The following GPLD1 variants were observed in gnomAD, a reference collection of about 807,000 sequenced individuals.
The protein encoded by GPLD1 is phosphatidylinositol-glycan-specific phospholipase D.
A neutral mutation model predicts 112.6 loss-of-function variants in GPLD1; 84 were observed. That is an observed-to-expected ratio of 0.75 (90% CI 0.63 to 0.89). The LOEUF is 0.89. Ranked by LOEUF, GPLD1 falls within the 40% of genes least tolerant of loss-of-function variation. The pLI is 0.00. For missense variants in GPLD1, 1,044 were observed against 1,051.5 expected, an observed-to-expected ratio of 0.99 and a Z score of 0.10; for synonymous variants, 386 against 403.8, an observed-to-expected ratio of 0.96 and a Z score of 0.53.
rs1434917290 is a variant in GPLD1, at chr6:24,429,127, G to C, written c.2437-9C>G. The C allele has an allele frequency of 6.3e-7, 1 of 1,589,974 alleles. No individual in the cohort carries two copies. Among genetic ancestry groups the C allele is most frequent in the Non-Finnish European group, 8.6e-7 (1 of 1,158,438 alleles). ...GCAATGACGACTTGGTTCTGTAAGG[G>C]ACACAAGACAGAATTCATGGCTCAT... On this transcript the variant is annotated splice_polypyrimidine_tract_variant and intron_variant, in intron 24 of 24. Coordinates refer to ENST00000230036, the MANE Select transcript of GPLD1 (RefSeq NM_001503.4).
chr6:24,445,507 T>C (rs1195053122), intron 20 of GPLD1, 39 bp downstream of exon 20: 2 of 1,354,832 alleles, frequency 1.5e-6, no homozygotes, highest in East Asian at 2.3e-5. Flanking sequence ...AGCAGCCACA[T>C]GACTGAAAGG....
At chr6:24,433,770 C>A (rs1762484035) in intron 22 of GPLD1, among the ~76,000 whole-genome samples, 1 of 152,118 alleles carries the variant, frequency 6.6e-6, no homozygotes, top group Admixed American at 6.6e-5. Flanking sequence ...GCTGGGATTA[C>A]AGGCATGAGC....
chr6:24,446,478 A>C (rs1298604365), intron 18 of GPLD1, among the ~76,000 whole-genome samples: 1 of 152,082 alleles, frequency 6.6e-6, no homozygotes, highest in Non-Finnish European at 1.5e-5. Context: ...CAACAGAGTG[A>C]ACCCTCACCC....
At chr6:24,485,329 G>A (rs546078748) in intron 2 of GPLD1, among the ~76,000 whole-genome samples, 2 of 152,240 alleles carry the variant, frequency 1.3e-5, no homozygotes, top group South Asian at 4.1e-4. Context: ...CTTGAGCCCA[G>A]GAGTTCAAGA....
At chr6:24,465,214 G>GAA (rs1763565374) in intron 10 of GPLD1, among the ~76,000 whole-genome samples, 1 of 88,686 alleles carries the variant, frequency 1.1e-5, no homozygotes, top group Non-Finnish European at 2.4e-5. Context: ...AAAAAAAAAA[G>GAA]AAAAGAAAAG....
At chr6:24,472,777 T>C in intron 6 of GPLD1, 141 bp from the exon 7 acceptor site, 1 of 599,356 alleles carries the variant, frequency 1.7e-6, no homozygotes, top group Non-Finnish European at 3.0e-6. Flanking sequence ...GGTAAAGGCA[T>C]GCCTTTTTTT....
At chr6:24,492,662 C>T (rs1298003314), upstream of GPLD1, among the ~76,000 whole-genome samples, 2 of 151,928 alleles carry the variant, frequency 1.3e-5, no homozygotes, top group East Asian at 3.9e-4. Flanking sequence ...TGGTCTTGTC[C>T]TTGTAGGCCC....
At chr6:24,483,535 C>T (rs1284171706) in intron 2 of GPLD1, among the ~76,000 whole-genome samples, 2 of 146,302 alleles carry the variant, frequency 1.4e-5, no homozygotes, top group African/African-American at 2.5e-5. Flanking sequence ...AAAAATTAGC[C>T]GGGCATGGTG....
rs558824590 is a variant in GPLD1 at position 24,427,935 on chromosome 6, C to T, written c.*1097G>A. ...AACCAAATACCAAGTATAGCATGTT[C>T]TCACAAGTGGGTGCTAAGTTAAAAG... On this transcript the variant is annotated 3_prime_UTR_variant, in exon 25 of 25. Transcript: ENST00000230036. Among the ~76,000 whole-genome samples the T allele has an allele frequency of 4.6e-5, 7 of 151,112 alleles. No homozygotes were observed. Among genetic ancestry groups the T allele is most frequent in the Admixed American group, 2.0e-4 (3 of 15,154 alleles).
chr6:24,436,033 A>G (rs972262860), intron 22 of GPLD1, among the ~76,000 whole-genome samples: 5 of 151,772 alleles, frequency 3.3e-5, no homozygotes, highest in Admixed American at 6.6e-5. Context: ...AGGTAGAAGA[A>G]CTGCTTGAGC....
chr6:24,443,245 G>T (rs9379661), intron 20 of GPLD1, among the ~76,000 whole-genome samples: 1,844 of 152,062 alleles, frequency 0.012, 32 homozygotes, highest in African/African-American at 0.038. Flanking sequence ...GAGAGCTCCC[G>T]GCTTCTAGTG....
At position 24,437,281 on chromosome 6, in the gene GPLD1, A is replaced by T. The variant is rs61733146; in HGVS notation, c.2029T>A (p.Ser677Thr). ...GTCACGGTCAGGAATGCCACCTTAGACACGTCATCTGAAACGAACCACAGT... is the reference window on the plus strand; with the variant it reads ...GTCACGGTCAGGAATGCCACCTTAGTCACGTCATCTGAAACGAACCACAGT... Reference protein sequence around the residue: ...LVGAPTYDDVSKVAFLTVTLH... With the variant: ...LVGAPTYDDVTKVAFLTVTLH... Residue 677 changes from serine to threonine, a missense_variant, in exon 21 of 25, where the codon TCT becomes ACT. By Grantham distance (58) the Ser-to-Thr change is moderately conservative. Coordinates refer to ENST00000230036, the MANE Select transcript of GPLD1 (RefSeq NM_001503.4). 3,418 of 1,613,478 alleles carry T rather than the reference A, an allele frequency of 2.1e-3. 32 individuals are homozygous for T. In the African/African-American group the frequency reaches 0.03, roughly 14 times the overall value.
chr6:24,477,055 T>A (rs1020551318), intron 3 of GPLD1, among the ~76,000 whole-genome samples: 1 of 151,870 alleles, frequency 6.6e-6, no homozygotes, highest in Non-Finnish European at 1.5e-5. Context: ...GGAGTTAGAA[T>A]CAAGACATTT....
chr6:24,459,902 A>T (rs1230579280), intron 12 of GPLD1, among the ~76,000 whole-genome samples: 1 of 152,144 alleles, frequency 6.6e-6, no homozygotes, highest in Non-Finnish European at 1.5e-5. Context: ...CCACATATGG[A>T]TGCCAAGAGT....
intron 17 of GPLD1, 105 bp from the exon 18 acceptor site, chr6:24,447,084 G>T: frequency 9.4e-7 from 1 of 1,065,252 alleles, no homozygotes; most frequent in Non-Finnish European, 1.4e-6. Context: ...GGTTCATTTT[G>T]CTGAGTTTTT....
intron 14 of GPLD1, among the ~76,000 whole-genome samples, chr6:24,451,535 A>G (rs1377323136): frequency 6.6e-6 from 1 of 152,134 alleles, no homozygotes; most frequent in Non-Finnish European, 1.5e-5. Flanking sequence ...ACGGGGTTTC[A>G]CCACGTTGAT....
Position 24,447,924 on chromosome 6 carries a change from T to G in GPLD1, c.1631A>C (p.Lys544Thr). ...AGAATAAAACGCAGCCACAATTCCC[T>G]TCTGCTTCCCTCCACCTGGTGCAAA... The part of the protein sequence containing the change: ...SPFAPGGGKQ[K>T]GIVAAFYSGP... The change falls in exon 17 of 25, where the codon AAG becomes ACG. Residue 544 changes from lysine (K) to threonine (T), a missense_variant. Physicochemically the swap from Lys to Thr is moderately conservative, Grantham distance 78. Transcript: ENST00000230036. 6.2e-7 allele frequency: 1 copy of G among 1,614,076 alleles called. No homozygotes were observed. The highest frequency in any genetic ancestry group is 8.5e-7 in the Non-Finnish European group (1 of 1,180,016).
intron 20 of GPLD1, among the ~76,000 whole-genome samples, chr6:24,440,244 CAT>C (rs1452400951): frequency 6.6e-6 from 1 of 152,126 alleles, no homozygotes; most frequent in African/African-American, 2.4e-5. Flanking sequence ...CACTTCAGCT[CAT>C]GAGTTCAAGA....
Position 24,445,575 on chromosome 6 carries a change from T to G in GPLD1, c.1991A>C (p.Gln664Pro). The change falls in exon 20 of 25, where the codon CAA (glutamine) becomes CCA (proline). Residue 664 changes from glutamine to proline, a missense_variant. Transcript: ENST00000230036. ...CGTAGGGGCTCCAACCAGCAGCACT[T>G]GTTTCAGAGTCCCATTCATCAGTAC... Reference protein sequence around the residue: ...GHVLMNGTLKQVLLVGAPTYD... With the variant: ...GHVLMNGTLKPVLLVGAPTYD... 1 of 1,613,896 alleles carries G rather than the reference T, an allele frequency of 6.2e-7. No homozygotes were observed. The highest frequency in any genetic ancestry group is 1.7e-5 in the Admixed American group (1 of 60,004).
Sources: allele counts gnomAD v4.1 joint callset (sites outside exome capture counted in the v4.1 genomes callset), GRCh38; gene constraint gnomAD v4.1.1; transcripts MANE v1.5; gene names NCBI Gene and HGNC (gene_info 2026-07-23, HGNC 2026-07-21).